Variants in WDR17 observed in about 807,000 individuals in gnomAD.
WDR17 encodes WD repeat domain 17.
Under a neutral mutation model 161.7 loss-of-function variants are expected in WDR17, and 143 were observed. The observed-to-expected ratio is 0.88, with a 90% CI of 0.77 to 1.02. The LOEUF (loss-of-function observed/expected upper bound fraction) is 1.02. Among genes scored for constraint, WDR17 ranks in the 50% least tolerant of loss-of-function variants. The pLI is 0.00. For synonymous variants in WDR17, 517 were observed against 515.6 expected, an observed-to-expected ratio of 1.00 and a Z score of -0.04; for missense variants, 1,469 against 1,520.9, an observed-to-expected ratio of 0.97 and a Z score of 0.57.
rs1398233145 is a variant in WDR17, at chr4:176,151,779, T to A, written c.2305-33T>A. 9 of 1,533,948 alleles carry A rather than the reference T, an allele frequency of 5.9e-6. No homozygotes were observed. In the South Asian group the frequency reaches 1.0e-4, roughly 17 times the overall value. On this transcript the variant is annotated intron_variant, in intron 16 of 28. Transcript: ENST00000508596. ...CACATACAAAACAAAATATGTCAAA[T>A]TTTTTTAAATTCTATTTTCTTTTTA...
chr4:176,072,292 A>G (rs2126551484), intron 1 of WDR17, among the ~76,000 whole-genome samples: 1 of 152,304 alleles, frequency 6.6e-6, no homozygotes. Context: ...CTTCCAACTC[A>G]TCTTTATAGA....
intron 4 of WDR17, 34 bp from the exon 5 acceptor site, chr4:176,125,069 GT>G (rs1742236740): frequency 3.7e-6 from 6 of 1,604,346 alleles, no homozygotes; most frequent in Admixed American, 3.4e-5. Flanking sequence ...TTTTCTGCAA[GT>G]TTTTTGGAAA....
chr4:176,152,547 A>C (rs1747350291), intron 17 of WDR17, among the ~76,000 whole-genome samples: 1 of 130,220 alleles, frequency 7.7e-6, no homozygotes, highest in Non-Finnish European at 1.6e-5. Context: ...CAGAGGTTGC[A>C]GTGAGCCGAG....
At chr4:176,123,039 T>C (rs182798056) in intron 4 of WDR17, among the ~76,000 whole-genome samples, 3 of 152,106 alleles carry the variant, frequency 2.0e-5, no homozygotes, top group Admixed American at 6.5e-5. Context: ...GGCAAAAAAA[T>C]TGGAAAACTG....
chr4:176,111,847 C>T, intron 2 of WDR17, 144 bp downstream of exon 2: 1 of 806,212 alleles, frequency 1.2e-6, no homozygotes, highest in Admixed American at 4.1e-5. Context: ...GTGATTTATA[C>T]CGTATAGGTT....
At chr4:176,152,996 T>C (rs1356861855) in intron 17 of WDR17, among the ~76,000 whole-genome samples, 1 of 152,056 alleles carries the variant, frequency 6.6e-6, no homozygotes, top group Non-Finnish European at 1.5e-5. Flanking sequence ...AATATGATAT[T>C]AAGTGTAGAT....
At chr4:176,130,291 A>T (rs1002738743) in intron 6 of WDR17, among the ~76,000 whole-genome samples, 1 of 142,414 alleles carries the variant, frequency 7.0e-6, no homozygotes, top group African/African-American at 2.7e-5. Flanking sequence ...TTTTAAACAA[A>T]ATATCAACGA....
In WDR17 at chr4:176,179,618, G is replaced by A; in HGVS notation, c.*39G>A. 6.6e-7 allele frequency: 1 copy of A among 1,507,196 alleles called. No individual in the cohort carries two copies. Among genetic ancestry groups the A allele is most frequent in the South Asian group, 1.4e-5 (1 of 71,914 alleles). 93.4% of individuals were successfully genotyped at this position (1,507,196 alleles called of 1,614,324 possible). On this transcript the variant is annotated 3_prime_UTR_variant, in exon 29 of 29. Coordinates refer to ENST00000508596, the MANE Select transcript of WDR17 (RefSeq NM_181265.4). ...TCCATGCTTGATTTTTTTTTTTAAA[G>A]AAAAACTTTCATGGGTTAGCATTAC...
chr4:176,134,343 C>T (rs866065194), intron 7 of WDR17, among the ~76,000 whole-genome samples: 13 of 151,854 alleles, frequency 8.6e-5, no homozygotes, highest in East Asian at 1.9e-4. Flanking sequence ...GTAGAAATTT[C>T]GATTCCCATT....
intron 6 of WDR17, among the ~76,000 whole-genome samples, chr4:176,129,083 G>C (rs894448441): frequency 7.2e-5 from 11 of 152,144 alleles, no homozygotes; most frequent in African/African-American, 2.4e-4. Context: ...ATGCTACTAA[G>C]TAAGAATATT....
chr4:176,145,511 T>G (rs1003952118), intron 11 of WDR17, among the ~76,000 whole-genome samples: 1 of 152,150 alleles, frequency 6.6e-6, no homozygotes, highest in Admixed American at 6.5e-5. Flanking sequence ...CAGAAAACTT[T>G]CAGTGAGAAT....
intron 1 of WDR17, chr4:176,111,356 C>T: frequency 3.1e-6 from 1 of 326,740 alleles, no homozygotes; most frequent in Non-Finnish European, 5.4e-6. Flanking sequence ...CCTTCATTAT[C>T]ATATTTCCTG....
intron 12 of WDR17, among the ~76,000 whole-genome samples, chr4:176,146,867 G>GA (rs1009368903): frequency 6.9e-5 from 10 of 145,068 alleles, no homozygotes; most frequent in East Asian, 2.0e-4. Context: ...AAGAAGAAAT[G>GA]AAAAAAAAAA....
chr4:176,113,791 T>C (rs1331890898), intron 2 of WDR17, among the ~76,000 whole-genome samples: 1 of 152,046 alleles, frequency 6.6e-6, no homozygotes, highest in African/African-American at 2.4e-5. Context: ...ACTCTTGTAT[T>C]ATATTTTTCT....
chr4:176,150,673 A>T, intron 16 of WDR17, 80 bp downstream of exon 16: 7 of 1,367,418 alleles, frequency 5.1e-6, no homozygotes, highest in Non-Finnish European at 5.8e-6. Context: ...TGATTTTAAA[A>T]ATATATATGA....
chr4:176,166,089 TA>T, intron 22 of WDR17: 1 of 1,093,738 alleles, frequency 9.1e-7, no homozygotes, highest in Non-Finnish European at 1.3e-6. Context: ...ATTCATCGTA[TA>T]ATCATGGTAT....
At chr4:176,072,944 TC>T (rs1416577378) in intron 1 of WDR17, among the ~76,000 whole-genome samples, 1 of 152,144 alleles carries the variant, frequency 6.6e-6, no homozygotes, top group African/African-American at 2.4e-5. Context: ...TCTTACTATT[TC>T]TCAGACATTC....
intron 1 of WDR17, among the ~76,000 whole-genome samples, chr4:176,076,296 G>GTATCTGTA (rs1319828446): frequency 1.5e-5 from 2 of 137,548 alleles, no homozygotes; most frequent in Admixed American, 7.4e-5. Context: ...CAAAATATGT[G>GTATCTGTA]TATCTGTATG....
intron 1 of WDR17, among the ~76,000 whole-genome samples, chr4:176,078,842 C>A (rs914119269): frequency 2.9e-4 from 44 of 151,978 alleles, no homozygotes; most frequent in Non-Finnish European, 6.0e-4. Flanking sequence ...GATAGTATAT[C>A]TGTCACCTCA....
Sources: allele counts gnomAD v4.1 joint callset (sites outside exome capture counted in the v4.1 genomes callset), GRCh38; gene constraint gnomAD v4.1.1; transcripts MANE v1.5; gene names NCBI Gene and HGNC (gene_info 2026-07-23, HGNC 2026-07-21).